Variants in MECOM observed in about 807,000 individuals in gnomAD.
The protein encoded by MECOM is MDS1 and EVI1 complex locus.
Under a neutral mutation model 116.3 loss-of-function variants are expected in MECOM, and 13 were observed. The ratio of observed to expected loss-of-function variants is 0.11; its 90% confidence interval spans 0.07 to 0.18. The LOEUF is 0.18. Ranked by LOEUF, MECOM falls within the 10% of genes least tolerant of loss-of-function variation. The pLI is 1.00. For missense variants in MECOM, 1,299 were observed against 1,509.0 expected (o/e 0.86, Z 2.31); for synonymous variants, 528 against 535.2 (o/e 0.99, Z 0.19).
intron 1 of MECOM, among the ~76,000 whole-genome samples, chr3:169,530,149 A>AAGTT (rs3044765): frequency 0.68 from 103,311 of 151,504 alleles, 35,897 homozygotes; most frequent in African/African-American, 0.82. Flanking sequence ...GGAGTACAGA[A>AAGTT]AGAAAGGCAA....
intron 1 of MECOM, among the ~76,000 whole-genome samples, chr3:169,582,273 G>A (rs1025742954): frequency 6.6e-6 from 1 of 151,936 alleles, no homozygotes; most frequent in Non-Finnish European, 1.5e-5. Flanking sequence ...GGAGGTTGTG[G>A]GGGAGGGAGA....
chr3:169,181,799 G>T (rs1041034131), intron 2 of MECOM, among the ~76,000 whole-genome samples: 4 of 152,154 alleles, frequency 2.6e-5, no homozygotes, highest in Non-Finnish European at 4.4e-5. Flanking sequence ...GGAAAAGCAG[G>T]ATTATGGAGT....
At chr3:169,186,275 A>C (rs1002038967) in intron 2 of MECOM, among the ~76,000 whole-genome samples, 5 of 151,396 alleles carry the variant, frequency 3.3e-5, no homozygotes, top group African/African-American at 1.2e-4. Context: ...AGAAAAGAAG[A>C]AAGCTGGTCA....
intron 2 of MECOM, among the ~76,000 whole-genome samples, chr3:169,307,326 G>A (rs565007391): frequency 2.6e-5 from 4 of 152,140 alleles, no homozygotes; most frequent in Non-Finnish European, 4.4e-5. Context: ...TTTAAAAACA[G>A]AATCATTGTA....
At chr3:169,657,391 TTG>T (rs2110111495) in intron 1 of MECOM, among the ~76,000 whole-genome samples, 1 of 152,388 alleles carries the variant, frequency 6.6e-6, no homozygotes, top group East Asian at 1.9e-4. Flanking sequence ...TGAGATCTGT[TTG>T]TTTATTTTTT....
chr3:169,308,746 T>C (rs1326101661), intron 2 of MECOM, among the ~76,000 whole-genome samples: 1 of 152,154 alleles, frequency 6.6e-6, no homozygotes, highest in African/African-American at 2.4e-5. Context: ...GAGCAAACTG[T>C]TTATTTCTTC....
At chr3:169,475,760 G>C (rs1023749188) in intron 1 of MECOM, among the ~76,000 whole-genome samples, 1 of 151,962 alleles carries the variant, frequency 6.6e-6, no homozygotes, top group Non-Finnish European at 1.5e-5. Flanking sequence ...AGGGGGAGGA[G>C]GAGGGAAACC....
At chr3:169,412,381 G>C (rs1737703669) in intron 1 of MECOM, among the ~76,000 whole-genome samples, 1 of 151,468 alleles carries the variant, frequency 6.6e-6, no homozygotes, top group Non-Finnish European at 1.5e-5. Flanking sequence ...TTATTACAAT[G>C]ATCTTACTCT....
intron 1 of MECOM, among the ~76,000 whole-genome samples, chr3:169,565,463 C>T (rs943686218): frequency 3.3e-5 from 5 of 152,180 alleles, no homozygotes; most frequent in African/African-American, 1.2e-4. Context: ...CTCTGGACAT[C>T]TGTCTGGGTT....
intron 2 of MECOM, among the ~76,000 whole-genome samples, chr3:169,175,464 T>C (rs796774006): frequency 5.9e-5 from 9 of 152,320 alleles, no homozygotes; most frequent in African/African-American, 2.2e-4. Flanking sequence ...GCATAAGGTA[T>C]ATATAAAACA....
chr3:169,139,111 G>A, intron 3 of MECOM, among the ~76,000 whole-genome samples: 1 of 152,112 alleles, frequency 6.6e-6, no homozygotes, highest in East Asian at 1.9e-4. Context: ...GGAGCTGGCA[G>A]AATCCTTAAG....
intron 1 of MECOM, among the ~76,000 whole-genome samples, chr3:169,647,755 T>C (rs1371666005): frequency 1.3e-5 from 2 of 152,292 alleles, no homozygotes; most frequent in African/African-American, 4.8e-5. Context: ...CTTATACATA[T>C]GTCATCTTAT....
chr3:169,312,024 G>A (rs1478417382), intron 2 of MECOM, among the ~76,000 whole-genome samples: 1 of 152,180 alleles, frequency 6.6e-6, no homozygotes, highest in Non-Finnish European at 1.5e-5. Flanking sequence ...GAGAGGAGCT[G>A]GGCCCAGACC....
chr3:169,640,254 C>T (rs986039798), intron 1 of MECOM, among the ~76,000 whole-genome samples: 9 of 152,020 alleles, frequency 5.9e-5, no homozygotes, highest in Non-Finnish European at 1.2e-4. Context: ...AATTAAGACC[C>T]TAAAGAATAA....
intron 2 of MECOM, among the ~76,000 whole-genome samples, chr3:169,184,686 G>A (rs1054261115): frequency 2.0e-5 from 3 of 152,134 alleles, no homozygotes; most frequent in Admixed American, 2.0e-4. Flanking sequence ...GGACTGAGCA[G>A]AACACAGTGA....
intron 7 of MECOM, among the ~76,000 whole-genome samples, chr3:169,120,526 C>G (rs1053754754): frequency 1.3e-5 from 2 of 152,196 alleles, no homozygotes; most frequent in African/African-American, 2.4e-5. Context: ...ACAGATCCGA[C>G]AGCCTGTGAT....
At chr3:169,217,556 G>A (rs1023085924) in intron 2 of MECOM, among the ~76,000 whole-genome samples, 27 of 151,974 alleles carry the variant, frequency 1.8e-4, no homozygotes, top group African/African-American at 5.8e-4. Context: ...AGGCCAAGGC[G>A]GGCAGATCAC....
At chr3:169,458,121 G>A (rs1230923064) in intron 1 of MECOM, among the ~76,000 whole-genome samples, 1 of 152,196 alleles carries the variant, frequency 6.6e-6, no homozygotes, top group African/African-American at 2.4e-5. Context: ...AAATTGCCAT[G>A]TGCTAATGAG....
intron 1 of MECOM, among the ~76,000 whole-genome samples, chr3:169,509,104 C>CTT (rs1393951966): frequency 1.3e-5 from 2 of 152,178 alleles, no homozygotes; most frequent in Non-Finnish European, 2.9e-5. Context: ...TGCCTCAGGG[C>CTT]TTCATCTTCC....
Sources: gnomAD v4.1 joint callset for allele counts (sites outside exome capture counted in the v4.1 genomes callset) on GRCh38, gnomAD v4.1.1 for gene constraint, MANE v1.5 for transcripts, NCBI Gene and HGNC (gene_info 2026-07-23, HGNC 2026-07-21) for gene names.